TBC1D8: variants seen among roughly 807,000 people sequenced by gnomAD.
TBC1D8 encodes the protein TBC1 domain family member 8, also known as BUB2-like protein 1.
Under a neutral mutation model 118.8 loss-of-function variants are expected in TBC1D8, and 65 were observed. That is an observed-to-expected ratio of 0.55 (90% confidence interval 0.45 to 0.67). TBC1D8 has a LOEUF of 0.67. Ranked by LOEUF, TBC1D8 falls within the 30% of genes least tolerant of loss-of-function variation. The pLI, the probability that TBC1D8 is intolerant of heterozygous loss-of-function variation, is 0.00. For synonymous variants in TBC1D8, 566 were observed against 595.8 expected (o/e 0.95, Z 0.73); for missense variants, 1,376 against 1,471.2 (o/e 0.94, Z 1.06).
chr2:101,051,674 A>G (rs1381440300), intron 4 of TBC1D8, among the ~76,000 whole-genome samples: 1 of 152,218 alleles, frequency 6.6e-6, no homozygotes, highest in Non-Finnish European at 1.5e-5. Flanking sequence ...TCAAAAGAAG[A>G]CATACATGCG....
intron 5 of TBC1D8, among the ~76,000 whole-genome samples, chr2:101,040,811 G>A (rs192825128): frequency 9.2e-5 from 14 of 152,354 alleles, no homozygotes; most frequent in Admixed American, 9.1e-4. Context: ...TTGTATTTAA[G>A]TGAGTGCAAA....
chr2:101,013,744 C>T (rs1288846730), intron 17 of TBC1D8, among the ~76,000 whole-genome samples: 2 of 152,260 alleles, frequency 1.3e-5, no homozygotes, highest in Non-Finnish European at 2.9e-5. Flanking sequence ...GGCGACAAGC[C>T]AGTTCCACCA....
chr2:101,150,979 G>C (rs1679537522), intron 1 of TBC1D8, 148 bp downstream of exon 1: 1 of 531,094 alleles, frequency 1.9e-6, no homozygotes, highest in African/African-American at 2.1e-5. Context: ...GCAGAAAAAA[G>C]GAAAACAAGC....
In TBC1D8 at chr2:101,022,339, C is replaced by G. The variant is rs748486988; in HGVS notation, c.2703G>C (p.Arg901Ser). ...GCTGGTCCATGTTGTCATCCAAGAG[C>G]CTGAACGTCCTTTCGGCGAGGATCT... Reference protein sequence around the residue: ...HTEILAERTFRLLDDNMDQLI... With the variant: ...HTEILAERTFSLLDDNMDQLI... Residue 901 changes from arginine to serine, a missense_variant, in exon 16 of 20, where the codon AGG (arginine) becomes AGC (serine). By Grantham distance (110) the Arg-to-Ser change is moderately radical. Transcript: ENST00000409318. 3.7e-6 allele frequency: 6 copies of G among 1,612,558 alleles called. No individual in the cohort carries two copies. In the South Asian group the frequency reaches 6.6e-5, roughly 18 times the overall value.
intron 1 of TBC1D8, among the ~76,000 whole-genome samples, chr2:101,121,767 T>C (rs944109488): frequency 1.3e-5 from 2 of 152,198 alleles, no homozygotes; most frequent in African/African-American, 4.8e-5. Context: ...CAGAGTTCAA[T>C]TATATAAACG....
rs564023472 is a variant in TBC1D8, at chr2:101,012,680, C to T, written c.2828-1140G>A. ...CTTTAAACGGGTGACTTGCATGGTG[C>T]GTGAAATATATCTCAATAAAGCTGC... is the stretch of plus-strand genomic sequence containing the variant. On this transcript the variant is annotated intron_variant, in intron 17 of 19. Coordinates refer to ENST00000409318, the MANE Select transcript of TBC1D8 (RefSeq NM_001330348.2). Among the ~76,000 whole-genome samples the T allele has an allele frequency of 5.9e-5, 9 of 151,550 alleles. 1 individual carries two copies. The highest frequency in any genetic ancestry group is 2.1e-4 in the South Asian group (1 of 4,784).
intron 2 of TBC1D8, among the ~76,000 whole-genome samples, chr2:101,073,640 C>T (rs905580401): frequency 5.3e-5 from 8 of 152,224 alleles, no homozygotes; most frequent in Admixed American, 1.3e-4. Flanking sequence ...CAACCTTCAT[C>T]AACGAGCTCT....
At chr2:101,125,111 A>C (rs972125125) in intron 1 of TBC1D8, among the ~76,000 whole-genome samples, 1 of 152,182 alleles carries the variant, frequency 6.6e-6, no homozygotes, top group African/African-American at 2.4e-5. Flanking sequence ...TCATCCAAAC[A>C]ATCAAGCAGC....
At chr2:101,085,969 G>A (rs1198306332) in intron 2 of TBC1D8, among the ~76,000 whole-genome samples, 2 of 151,920 alleles carry the variant, frequency 1.3e-5, no homozygotes, top group Non-Finnish European at 1.5e-5. Context: ...GTGAAACCTC[G>A]TCTCTACTAA....
intron 18 of TBC1D8, 97 bp from the exon 19 acceptor site, chr2:101,011,123 A>G: frequency 1.7e-6 from 2 of 1,174,448 alleles, no homozygotes; most frequent in Admixed American, 2.1e-5. Flanking sequence ...GGGGTGAGGA[A>G]TTCCACTAAG....
intron 4 of TBC1D8, among the ~76,000 whole-genome samples, chr2:101,051,900 C>T (rs921181183): frequency 6.6e-6 from 1 of 152,218 alleles, no homozygotes; most frequent in Non-Finnish European, 1.5e-5. Context: ...AGAGCACAGA[C>T]CACTTGCCAG....
At chr2:101,072,871 G>GC (rs946560877) in intron 2 of TBC1D8, among the ~76,000 whole-genome samples, 2 of 152,062 alleles carry the variant, frequency 1.3e-5, no homozygotes, top group Non-Finnish European at 2.9e-5. Context: ...AGAGGGATCT[G>GC]CCCCCCGACC....
At chr2:101,035,919 A>G in intron 9 of TBC1D8, 99 bp downstream of exon 9, 1 of 1,359,572 alleles carries the variant, frequency 7.4e-7, no homozygotes, top group Non-Finnish European at 1.0e-6. Flanking sequence ...AGACAGAACC[A>G]TTTCATCTGC....
chr2:101,035,240 A>G (rs1680934517), intron 9 of TBC1D8, among the ~76,000 whole-genome samples: 1 of 152,020 alleles, frequency 6.6e-6, no homozygotes, highest in Non-Finnish European at 1.5e-5. Flanking sequence ...CTCCCACAGC[A>G]CCCTGAGGAG....
chr2:101,030,017 G>A, intron 11 of TBC1D8: 1 of 440,272 alleles, frequency 2.3e-6, no homozygotes, highest in Non-Finnish European at 4.1e-6. Context: ...AAATAAAAAA[G>A]GAACACTAGC....
At chr2:101,009,713 G>A (rs932671915) in intron 19 of TBC1D8, among the ~76,000 whole-genome samples, 1 of 151,818 alleles carries the variant, frequency 6.6e-6, no homozygotes, top group African/African-American at 2.4e-5. Flanking sequence ...CCCACAAGAT[G>A]TTTTGTGGTC....
intron 1 of TBC1D8, among the ~76,000 whole-genome samples, chr2:101,124,601 G>T (rs6738079): frequency 0.19 from 28,995 of 152,030 alleles, 3,262 homozygotes; most frequent in African/African-American, 0.3. Context: ...GTCAGTTAGG[G>T]TTATCCCCCA....
intron 17 of TBC1D8, among the ~76,000 whole-genome samples, chr2:101,020,882 C>A (rs1679990013): frequency 6.6e-6 from 1 of 152,192 alleles, no homozygotes; most frequent in Non-Finnish European, 1.5e-5. Flanking sequence ...CATTAGCCAT[C>A]TTGGTGATCA....
chr2:101,037,737 A>T (rs368955880), intron 7 of TBC1D8, 29 bp from the exon 8 acceptor site: 143 of 1,608,346 alleles, frequency 8.9e-5, no homozygotes, highest in Middle Eastern at 1.6e-4. Flanking sequence ...AGAGACAGAG[A>T]GAGAGAGGAG....
Sources: allele counts gnomAD v4.1 joint callset (sites outside exome capture counted in the v4.1 genomes callset), GRCh38; gene constraint gnomAD v4.1.1; transcripts MANE v1.5; gene names NCBI Gene and HGNC (gene_info 2026-07-23, HGNC 2026-07-21).